Variants in TFEC observed in about 807,000 individuals in gnomAD.
TFEC encodes class E basic helix-loop-helix protein 34.
Under a neutral mutation model 41.6 loss-of-function variants are expected in TFEC, and 31 were observed. The observed-to-expected ratio is 0.74, with a 90% CI of 0.56 to 1.01. The LOEUF (loss-of-function observed/expected upper bound fraction) is 1.01. Ranked by LOEUF, TFEC falls within the 50% of genes least tolerant of loss-of-function variation. TFEC has a pLI of 0.00. For synonymous variants in TFEC, 143 were observed against 140.6 expected, an observed-to-expected ratio of 1.02 and a Z score of -0.12; for missense variants, 402 against 404.1, an observed-to-expected ratio of 0.99 and a Z score of 0.04.
chr7:116,141,298 C>T (rs755993088), intron 1 of TFEC, among the ~76,000 whole-genome samples: 3 of 152,050 alleles, frequency 2.0e-5, no homozygotes, highest in Non-Finnish European at 4.4e-5. Flanking sequence ...TTAATATATT[C>T]TCATGATGTT....
At chr7:116,047,312 C>T (rs1796191303) in intron 3 of TFEC, among the ~76,000 whole-genome samples, 1 of 152,144 alleles carries the variant, frequency 6.6e-6, no homozygotes, top group African/African-American at 2.4e-5. Flanking sequence ...TAATACTGCG[C>T]TTTTCCAATG....
intron 1 of TFEC, among the ~76,000 whole-genome samples, chr7:115,997,817 G>C (rs757610439): frequency 1.3e-5 from 2 of 152,024 alleles, no homozygotes; most frequent in African/African-American, 4.8e-5. Flanking sequence ...GCTGAAGAAC[G>C]CATCAGAGTC....
At chr7:116,155,651 A>G (rs1562989710) in intron 1 of TFEC, among the ~76,000 whole-genome samples, 1 of 152,200 alleles carries the variant, frequency 6.6e-6, no homozygotes, top group East Asian at 1.9e-4. Flanking sequence ...TGCTTTTAGC[A>G]GCATCTCCAA....
intron 3 of TFEC, among the ~76,000 whole-genome samples, chr7:116,065,337 A>G (rs577420520): frequency 6.6e-6 from 1 of 152,322 alleles, no homozygotes; most frequent in African/African-American, 2.4e-5. Context: ...GAGAACATTG[A>G]GCAGTAAAGG....
chr7:115,987,499 A>C lies in TFEC; in HGVS notation c.-72-2986T>G, dbSNP rs767990764. On this transcript the variant is annotated intron_variant, in intron 1 of 7. Transcript: ENST00000265440. ...ATAGGTTGCCATTGTTCATTTGTTC[A>C]CTTATTCAAGACACAGTGTTTGAGT... is the stretch of plus-strand genomic sequence containing the variant. 1.8e-4 allele frequency among the ~76,000 whole-genome samples: 28 copies of C among 152,310 alleles called. 1 individual carries two copies. The South Asian group carries it at 2.9e-3, about 16-fold the overall frequency.
chr7:116,009,719 C>T (rs1794928153), intron 1 of TFEC, among the ~76,000 whole-genome samples: 1 of 152,024 alleles, frequency 6.6e-6, no homozygotes, highest in Non-Finnish European at 1.5e-5. Context: ...AGTAAATTCA[C>T]TGATTGATTC....
chr7:116,116,858 T>C (rs1798001665), intron 1 of TFEC, among the ~76,000 whole-genome samples: 1 of 151,894 alleles, frequency 6.6e-6, no homozygotes, highest in African/African-American at 2.4e-5. Flanking sequence ...GAAGACTTTT[T>C]CTACAGTAAA....
intron 3 of TFEC, among the ~76,000 whole-genome samples, chr7:115,966,300 G>A (rs991450456): frequency 4.0e-5 from 6 of 151,572 alleles, no homozygotes; most frequent in Admixed American, 6.6e-5. Flanking sequence ...AAACCCTAGC[G>A]GCAGGGAGGG....
chr7:116,068,415 G>A (rs1415133381), intron 3 of TFEC, among the ~76,000 whole-genome samples: 1 of 151,748 alleles, frequency 6.6e-6, no homozygotes. Flanking sequence ...AATTGTAAAT[G>A]TATAGTGTGG....
Position 116,159,738 on chromosome 7 carries a change from G to A in TFEC, c.-69+52C>T, listed in dbSNP as rs78789202. ...CATATGATTTTAAAGCCCAAAATAC[G>A]AGTGATTTTATACTTTGTAGTTCCA... On this transcript the variant is annotated intron_variant, in intron 1 of 8. Coordinates refer to the TFEC transcript ENST00000484212. 6.6e-5 allele frequency: 10 copies of A among 152,172 alleles called. No individual in the cohort carries two copies. The East Asian group carries it at 9.7e-4, about 15-fold the overall frequency. 9.4% of individuals were successfully genotyped at this position (152,172 alleles called of 1,614,324 possible). A position where few individuals can be genotyped will look rare whatever the true frequency, so the allele number is the denominator to read the frequency against.
At chr7:115,967,431 G>A (rs748259284) in intron 3 of TFEC, among the ~76,000 whole-genome samples, 43 of 151,716 alleles carry the variant, frequency 2.8e-4, no homozygotes, top group Non-Finnish European at 4.9e-4. Flanking sequence ...AGCCTAGAGT[G>A]CACAATGCAT....
At chr7:116,011,300 C>G (rs1428253078) in intron 1 of TFEC, among the ~76,000 whole-genome samples, 1 of 152,062 alleles carries the variant, frequency 6.6e-6, no homozygotes, top group Admixed American at 6.6e-5. Flanking sequence ...GTAAATAGCA[C>G]GTGGAAAAGA....
intron 3 of TFEC, among the ~76,000 whole-genome samples, chr7:116,035,997 TA>T (rs1243958207): frequency 3.3e-5 from 5 of 152,068 alleles, no homozygotes; most frequent in African/African-American, 1.2e-4. Context: ...TTTGGCCACA[TA>T]AATATTAAAT....
intron 1 of TFEC, among the ~76,000 whole-genome samples, chr7:116,143,939 G>A (rs1368399646): frequency 9.2e-5 from 14 of 151,490 alleles, no homozygotes; most frequent in Admixed American, 6.6e-4. Flanking sequence ...GTAGAGCCTC[G>A]CCGAGCGCGG....
chr7:115,991,743 C>G (rs920659150), intron 1 of TFEC, among the ~76,000 whole-genome samples: 2 of 152,148 alleles, frequency 1.3e-5, no homozygotes, highest in African/African-American at 4.8e-5. Context: ...CTTAGACTCC[C>G]ACACAATAAT....
chr7:115,949,679 C>T (rs1397210568), intron 6 of TFEC, among the ~76,000 whole-genome samples: 3 of 151,910 alleles, frequency 2.0e-5, no homozygotes, highest in Non-Finnish European at 1.5e-5. Flanking sequence ...CCCTTCCTTA[C>T]ACCTTATACA....
At chr7:116,037,675 C>T (rs1584434499) in intron 3 of TFEC, among the ~76,000 whole-genome samples, 2 of 152,070 alleles carry the variant, frequency 1.3e-5, no homozygotes, top group South Asian at 4.1e-4. Context: ...GCCTTGGCTT[C>T]CAATAGCATT....
intron 3 of TFEC, among the ~76,000 whole-genome samples, chr7:116,080,819 C>T (rs1797069499): frequency 1.3e-5 from 2 of 152,042 alleles, no homozygotes; most frequent in Admixed American, 6.6e-5. Flanking sequence ...ATCATTTGAT[C>T]CAGCAATCCT....
At chr7:116,115,427 CT>C (rs1223649998) in intron 1 of TFEC, among the ~76,000 whole-genome samples, 1 of 151,980 alleles carries the variant, frequency 6.6e-6, no homozygotes, top group African/African-American at 2.4e-5. Flanking sequence ...GGATAATCCA[CT>C]TTCCTGCTTT....
Sources: allele counts gnomAD v4.1 joint callset (sites outside exome capture counted in the v4.1 genomes callset), GRCh38; gene constraint gnomAD v4.1.1; transcripts MANE v1.5; gene names NCBI Gene and HGNC (gene_info 2026-07-23, HGNC 2026-07-21).